The following STAU2 variants were observed in gnomAD, a reference collection of about 807,000 sequenced individuals.
STAU2 encodes the protein double-stranded RNA-binding protein Staufen homolog 2.
STAU2 carries 20 observed loss-of-function variants against 65.9 expected under a neutral mutation model. That is an observed-to-expected ratio of 0.30 (90% CI 0.21 to 0.44). The LOEUF (loss-of-function observed/expected upper bound fraction) is 0.44. Among genes scored for constraint, STAU2 ranks in the 20% least tolerant of loss-of-function variants. STAU2 has a pLI of 1.00. For missense variants in STAU2, 558 were observed against 683.9 expected, an observed-to-expected ratio of 0.82 and a Z score of 2.05; for synonymous variants, 232 against 233.9, an observed-to-expected ratio of 0.99 and a Z score of 0.07.
At chr8:73,497,718 A>G (rs960747022) in intron 13 of STAU2, among the ~76,000 whole-genome samples, 3 of 151,776 alleles carry the variant, frequency 2.0e-5, no homozygotes, top group African/African-American at 7.2e-5. Context: ...CAGTTTTTAT[A>G]CCAAACTTTA....
intron 13 of STAU2, among the ~76,000 whole-genome samples, chr8:73,467,622 T>C (rs953306378): frequency 3.9e-5 from 6 of 152,152 alleles, no homozygotes; most frequent in Admixed American, 3.3e-4. Flanking sequence ...TGTCCCCTTT[T>C]ACAGCTAGGA....
At chr8:73,707,282 G>A (rs1586316753) in intron 4 of STAU2, among the ~76,000 whole-genome samples, 2 of 152,330 alleles carry the variant, frequency 1.3e-5, no homozygotes, top group Middle Eastern at 3.4e-3. Context: ...AAGGACTGTG[G>A]AAGTCAAATT....
In STAU2 at chr8:73,435,174, T is replaced by C. The variant is rs981959268; in HGVS notation, c.1531-12472A>G. Among the ~76,000 whole-genome samples, 6 of 151,926 alleles carry C rather than the reference T, an allele frequency of 3.9e-5. 1 individual carries two copies. The highest frequency in any genetic ancestry group is 1.5e-4 in the African/African-American group (6 of 41,180). ...CTTCGCCCCTGCAGTCTTTTCTGCT[T>C]CTCCAGGTGGATGTCCCTAATTTCC... On this transcript the variant is annotated intron_variant, in intron 13 of 14. Transcript: ENST00000524300.
intron 5 of STAU2, among the ~76,000 whole-genome samples, chr8:73,679,323 G>A (rs904096723): frequency 1.3e-5 from 2 of 152,168 alleles, no homozygotes; most frequent in East Asian, 1.9e-4. Context: ...AGCATGTGGA[G>A]ACTCACAGTG....
intron 13 of STAU2, among the ~76,000 whole-genome samples, chr8:73,442,645 C>T (rs1818248839): frequency 6.6e-6 from 1 of 152,114 alleles, no homozygotes; most frequent in Non-Finnish European, 1.5e-5. Context: ...ACTGCTAGTA[C>T]TGTTAAGAGG....
At chr8:73,745,678 T>C (rs1221441656) in intron 1 of STAU2, among the ~76,000 whole-genome samples, 1 of 152,242 alleles carries the variant, frequency 6.6e-6, no homozygotes, top group African/African-American at 2.4e-5. Flanking sequence ...TTAAAATCCT[T>C]TGGTAAATTC....
At chr8:73,643,735 C>CT (rs1450278777) in intron 6 of STAU2, among the ~76,000 whole-genome samples, 1 of 152,044 alleles carries the variant, frequency 6.6e-6, no homozygotes, top group East Asian at 1.9e-4. Context: ...GTGCTACTGT[C>CT]TGTTACTTCA....
intron 13 of STAU2, among the ~76,000 whole-genome samples, chr8:73,459,670 C>T (rs11990414): frequency 0.019 from 2,953 of 152,200 alleles, 98 homozygotes; most frequent in African/African-American, 0.068. Flanking sequence ...CTCAAGCTCA[C>T]GCAGCTCCGC....
At chr8:73,717,320 G>A (rs1488333406) in intron 3 of STAU2, among the ~76,000 whole-genome samples, 6 of 146,922 alleles carry the variant, frequency 4.1e-5, no homozygotes, top group Admixed American at 4.0e-4. Flanking sequence ...TACTTTTAAT[G>A]TATATCTAAA....
intron 13 of STAU2, among the ~76,000 whole-genome samples, chr8:73,479,225 G>A (rs2383909): frequency 0.6 from 91,141 of 151,924 alleles, 28,509 homozygotes; most frequent in East Asian, 0.91. Context: ...TAAAAAGTTA[G>A]TAATTCCTTA....
At chr8:73,571,204 A>T (rs1809057621) in intron 12 of STAU2, among the ~76,000 whole-genome samples, 1 of 152,224 alleles carries the variant, frequency 6.6e-6, no homozygotes, top group Non-Finnish European at 1.5e-5. Flanking sequence ...AACTATCCTA[A>T]ATATATATGC....
intron 4 of STAU2, among the ~76,000 whole-genome samples, chr8:73,705,392 A>G (rs1820441123): frequency 6.6e-6 from 1 of 152,152 alleles, no homozygotes; most frequent in African/African-American, 2.4e-5. Context: ...ACCCATTCCA[A>G]AGTAAACCAT....
intron 6 of STAU2, among the ~76,000 whole-genome samples, chr8:73,656,196 A>T (rs1816357877): frequency 1.3e-5 from 2 of 152,248 alleles, no homozygotes; most frequent in African/African-American, 4.8e-5. Flanking sequence ...TTACTGCTAA[A>T]ATGAGATAAG....
chr8:73,436,106 C>T (rs1365467257), intron 13 of STAU2, among the ~76,000 whole-genome samples: 1 of 151,968 alleles, frequency 6.6e-6, no homozygotes, highest in Non-Finnish European at 1.5e-5. Context: ...TAAAACCTTA[C>T]ATTACGGTTA....
intron 13 of STAU2, among the ~76,000 whole-genome samples, chr8:73,545,081 G>C (rs533572576): frequency 6.6e-6 from 1 of 152,254 alleles, no homozygotes; most frequent in South Asian, 2.1e-4. Context: ...CAACGGGATG[G>C]CATTCTATGG....
chr8:73,712,637 C>T (rs577678951), intron 3 of STAU2, among the ~76,000 whole-genome samples: 18 of 152,156 alleles, frequency 1.2e-4, no homozygotes, highest in Admixed American at 3.3e-4. Flanking sequence ...TATTCTGTTA[C>T]GATAAATTGA....
intron 6 of STAU2, among the ~76,000 whole-genome samples, chr8:73,621,044 T>C (rs1289943654): frequency 6.6e-6 from 1 of 152,230 alleles, no homozygotes; most frequent in Non-Finnish European, 1.5e-5. Flanking sequence ...TTCTATTTAG[T>C]GGATTTCCTT....
chr8:73,432,328 T>C (rs1817360990), intron 13 of STAU2, among the ~76,000 whole-genome samples: 1 of 152,240 alleles, frequency 6.6e-6, no homozygotes. Flanking sequence ...GTTTTGAATG[T>C]AAATGTCTTC....
chr8:73,729,545 C>A (rs1805898701), intron 3 of STAU2, among the ~76,000 whole-genome samples: 1 of 151,920 alleles, frequency 6.6e-6, no homozygotes, highest in Non-Finnish European at 1.5e-5. Context: ...GTAGAATCCA[C>A]CAGAGAAGCA....
Sources: gnomAD v4.1 joint callset for allele counts (sites outside exome capture counted in the v4.1 genomes callset) on GRCh38, gnomAD v4.1.1 for gene constraint, MANE v1.5 for transcripts, NCBI Gene and HGNC (gene_info 2026-07-23, HGNC 2026-07-21) for gene names.